TRHR: variants seen among roughly 807,000 people sequenced by gnomAD.
TRHR encodes thyrotropin releasing hormone receptor.
A neutral mutation model predicts 28.0 loss-of-function variants in TRHR; 14 were observed. That is an observed-to-expected ratio of 0.50 (90% CI 0.33 to 0.78). The LOEUF (loss-of-function observed/expected upper bound fraction) is 0.78. TRHR is among the 30% of genes least tolerant of loss of function. The pLI is 0.02. For missense variants in TRHR, 438 were observed against 469.5 expected (o/e 0.93, Z 0.62); for synonymous variants, 176 against 171.9 (o/e 1.02, Z -0.18).
chr8:109,117,615 A>C (rs892300290), intron 2 of TRHR, among the ~76,000 whole-genome samples: 5 of 151,738 alleles, frequency 3.3e-5, no homozygotes, highest in Non-Finnish European at 5.9e-5. Context: ...AATAAAGGCA[A>C]GGGTGTGGTT....
At chr8:109,092,919 C>T (rs1006239108) in intron 2 of TRHR, among the ~76,000 whole-genome samples, 1 of 151,552 alleles carries the variant, frequency 6.6e-6, no homozygotes, top group East Asian at 1.9e-4. Context: ...TGTTATACCG[C>T]TTTTCTTATG....
intron 2 of TRHR, among the ~76,000 whole-genome samples, chr8:109,118,147 T>A (rs143689465): frequency 1.4e-4 from 22 of 151,978 alleles, no homozygotes; most frequent in African/African-American, 5.3e-4. Flanking sequence ...TGGACAGTAA[T>A]CCCAGCCCTG....
chr8:109,106,017 T>G (rs1193071711), intron 2 of TRHR, among the ~76,000 whole-genome samples: 1 of 152,154 alleles, frequency 6.6e-6, no homozygotes, highest in Non-Finnish European at 1.5e-5. Flanking sequence ...AAATTATAAA[T>G]ACACATTAAA....
chr8:109,108,411 G>A (rs1811783396), intron 2 of TRHR, among the ~76,000 whole-genome samples: 2 of 152,256 alleles, frequency 1.3e-5, no homozygotes, highest in Admixed American at 6.5e-5. Context: ...AAGCACAAGG[G>A]AGAAAAGAGG....
At chr8:109,094,132 A>C (rs1210419459) in intron 2 of TRHR, among the ~76,000 whole-genome samples, 1 of 152,224 alleles carries the variant, frequency 6.6e-6, no homozygotes, top group Non-Finnish European at 1.5e-5. Flanking sequence ...AGGTAGCTTA[A>C]TCAATGGTTA....
Position 109,119,644 on chromosome 8 carries a change from A to G in TRHR, c.*189A>G. On this transcript the variant is annotated 3_prime_UTR_variant, in exon 3 of 3. Transcript: ENST00000518632. ...TTCAGACTTTCCTTCTTACAAACTA[A>G]TATCACTAAAAATGGAGCAGATCTG... 1 of 627,616 alleles carries G rather than the reference A, an allele frequency of 1.6e-6. No homozygotes were observed. Among genetic ancestry groups the G allele is most frequent in the Non-Finnish European group, 2.7e-6 (1 of 371,380 alleles). The allele number at this position is 627,616 out of a possible 1,614,324, so 38.9% of individuals were successfully genotyped here.
At chr8:109,093,613 C>T (rs1811547013) in intron 2 of TRHR, among the ~76,000 whole-genome samples, 1 of 151,578 alleles carries the variant, frequency 6.6e-6, no homozygotes, top group African/African-American at 2.4e-5. Flanking sequence ...ACCACGTTGG[C>T]CAGGATAGTC....
intron 2 of TRHR, 77 bp downstream of exon 2, chr8:109,088,378 C>T (rs1172430755): frequency 6.6e-7 from 1 of 1,505,108 alleles, no homozygotes; most frequent in Non-Finnish European, 9.1e-7. Flanking sequence ...CAACTTTTCC[C>T]TGTTTAGCTG....
rs150275329 is a variant in TRHR at position 109,105,026 on chromosome 8, C to G, written c.790-14022C>G. On this transcript the variant is annotated intron_variant, in intron 2 of 2. Coordinates refer to ENST00000518632, the MANE Select transcript of TRHR (RefSeq NM_003301.7). ...CAATATAATCCAGAAAATAATCTGT[C>G]CCATTTGCATATGTGTCCATGTGTT... Among the ~76,000 whole-genome samples the G allele has an allele frequency of 5.1e-3, 769 of 152,134 alleles. 6 individuals carry two copies. The highest frequency in any genetic ancestry group is 0.017 in the African/African-American group (711 of 41,498).
At position 109,119,109 on chromosome 8, in the gene TRHR, C is replaced by T; in HGVS notation, c.851C>T (p.Thr284Ile). ...LFALLWMPYRTLVVVNSFLSS... is the reference protein window; with the variant it reads ...LFALLWMPYRILVVVNSFLSS... ...GCCCTTTTATGGATGCCCTACAGGA[C>T]TCTAGTGGTTGTCAACTCATTTCTC... Residue 284 changes from threonine (T) to isoleucine (I), a missense_variant, in exon 3 of 3, where the codon ACT (threonine) becomes ATT (isoleucine). By Grantham distance (89) the Thr-to-Ile change is moderately conservative. Coordinates refer to ENST00000518632, the MANE Select transcript of TRHR (RefSeq NM_003301.7). 15 of 1,612,862 alleles carry T rather than the reference C, an allele frequency of 9.3e-6. No homozygotes were observed. The highest frequency in any genetic ancestry group is 1.3e-5 in the Non-Finnish European group (15 of 1,179,240).
intron 2 of TRHR, among the ~76,000 whole-genome samples, chr8:109,106,396 G>A (rs536244118): frequency 3.9e-5 from 6 of 152,198 alleles, no homozygotes; most frequent in African/African-American, 1.2e-4. Context: ...ACATAGTGCC[G>A]ATCAATATTC....
At chr8:109,096,969 T>C (rs1654049943) in intron 2 of TRHR, among the ~76,000 whole-genome samples, 1 of 152,230 alleles carries the variant, frequency 6.6e-6, no homozygotes, top group Admixed American at 6.5e-5. Context: ...TGTCTTTTAT[T>C]AAATCTTTTT....
At chr8:109,108,653 A>C (rs1007628087) in intron 2 of TRHR, among the ~76,000 whole-genome samples, 1 of 152,224 alleles carries the variant, frequency 6.6e-6, no homozygotes, top group Non-Finnish European at 1.5e-5. Context: ...TACCTAGAAG[A>C]AAGAATACTT....
At chr8:109,099,267 G>T (rs1360194995) in intron 2 of TRHR, among the ~76,000 whole-genome samples, 1 of 152,166 alleles carries the variant, frequency 6.6e-6, no homozygotes, top group Non-Finnish European at 1.5e-5. Flanking sequence ...TGTGGTGGCG[G>T]TTGAATTTAA....
intron 2 of TRHR, among the ~76,000 whole-genome samples, chr8:109,109,955 G>A (rs1014676188): frequency 2.6e-5 from 4 of 152,180 alleles, no homozygotes; most frequent in Non-Finnish European, 4.4e-5. Flanking sequence ...AACTGAAGGT[G>A]TCACAGAGGA....
At chr8:109,117,743 A>T (rs1202721412) in intron 2 of TRHR, among the ~76,000 whole-genome samples, 1 of 151,926 alleles carries the variant, frequency 6.6e-6, no homozygotes, top group Non-Finnish European at 1.5e-5. Context: ...ACTTATATAT[A>T]TTTTTTAAAG....
chr8:109,087,899 C>A lies in TRHR; in HGVS notation c.387C>A (p.His129Gln), dbSNP rs1214593337. The A allele has an allele frequency of 6.2e-7, 1 of 1,614,200 alleles. No homozygotes were observed. The highest frequency in any genetic ancestry group is 8.5e-7 in the Non-Finnish European group (1 of 1,180,032). ...TTGAGAGGTACATAGCAATCTGTCA[C>A]CCCATCAAAGCCCAGTTTCTCTGCA... ...FTIERYIAIC[H>Q]PIKAQFLCTF... is the part of the protein sequence containing the mutation. Residue 129 changes from histidine to glutamine, a missense_variant, in exon 2 of 3, where the codon CAC becomes CAA. Coordinates refer to ENST00000518632, the MANE Select transcript of TRHR (RefSeq NM_003301.7).
In TRHR at chr8:109,088,048, G is replaced by A. The variant is rs748091262; in HGVS notation, c.536G>A (p.Cys179Tyr). Residue 179 changes from cysteine (C) to tyrosine (Y), a missense_variant, in exon 2 of 3, where the codon TGT becomes TAT. By Grantham distance (194) the Cys-to-Tyr change is radical (BLOSUM62 -2). Transcript: ENST00000518632. Reference sequence around the variant, plus strand: ...TACAAAGATGCTATTGTGATATCCTGTGGCTACAAGATCTCCAGGAATTAC... The same window carrying A: ...TACAAAGATGCTATTGTGATATCCTATGGCTACAAGATCTCCAGGAATTAC... The part of the protein sequence containing the change: ...STYKDAIVIS[C>Y]GYKISRNYYS... 3 of 1,613,956 alleles carry A rather than the reference G, an allele frequency of 1.9e-6. No individual in the cohort carries two copies. The highest frequency in any genetic ancestry group is 2.5e-6 in the Non-Finnish European group (3 of 1,180,044).
chr8:109,096,176 C>T (rs188844451), intron 2 of TRHR, among the ~76,000 whole-genome samples: 148 of 152,308 alleles, frequency 9.7e-4, no homozygotes, highest in Non-Finnish European at 1.8e-3. Flanking sequence ...TTACATATTA[C>T]GCTCCAGCAA....
Sources: allele counts gnomAD v4.1 joint callset (sites outside exome capture counted in the v4.1 genomes callset), GRCh38; gene constraint gnomAD v4.1.1; transcripts MANE v1.5; gene names NCBI Gene and HGNC (gene_info 2026-07-23, HGNC 2026-07-21).